The following FAM91A1 variants were observed in gnomAD, a reference collection of about 807,000 sequenced individuals.
FAM91A1 encodes family with sequence similarity 91 member A1.
Under a neutral mutation model 113.5 loss-of-function variants are expected in FAM91A1, and 41 were observed. The ratio of observed to expected loss-of-function variants is 0.36; its 90% confidence interval spans 0.28 to 0.47. The LOEUF (loss-of-function observed/expected upper bound fraction) is 0.47. FAM91A1 is among the 20% of genes least tolerant of loss of function. The pLI is 1.00. For synonymous variants in FAM91A1, 307 were observed against 347.9 expected (o/e 0.88, Z 1.31); for missense variants, 696 against 1,001.2 (o/e 0.70, Z 4.11).
Position 123,768,493 on chromosome 8 carries a change from T to C in FAM91A1, c.-210T>C, listed in dbSNP as rs1586362300. On this transcript the variant is annotated 5_prime_UTR_variant, in exon 1 of 24. Transcript: ENST00000334705. Reference sequence around the variant, plus strand: ...AAGAAACTTGGAGCTGTTCAGGCGATCCAGCCTCCAATCGCTGCTGCTCTT... The same window carrying C: ...AAGAAACTTGGAGCTGTTCAGGCGACCCAGCCTCCAATCGCTGCTGCTCTT... 4.1e-6 allele frequency: 2 copies of C among 489,300 alleles called. No individual in the cohort carries two copies. The highest frequency in any genetic ancestry group is 7.2e-6 in the Non-Finnish European group (2 of 278,510). The allele number at this position is 489,300 out of a possible 1,614,324, so 30.3% of individuals were successfully genotyped here. A position where few individuals can be genotyped will look rare whatever the true frequency, so the allele number is the denominator to read the frequency against.
At chr8:123,801,760 G>A (rs543428084) in intron 18 of FAM91A1, among the ~76,000 whole-genome samples, 4 of 151,894 alleles carry the variant, frequency 2.6e-5, no homozygotes, top group East Asian at 1.9e-4. Flanking sequence ...TAAAAGAAGC[G>A]AGGTAGTAGG....
chr8:123,812,224 C>A, intron 23 of FAM91A1: 2 of 203,688 alleles, frequency 9.8e-6, no homozygotes, highest in Non-Finnish European at 1.9e-5. Flanking sequence ...TTAGGTAATA[C>A]TTTGGGGTTA....
At chr8:123,808,791 G>A in intron 21 of FAM91A1, 102 bp from the exon 22 acceptor site, 1 of 1,157,336 alleles carries the variant, frequency 8.6e-7, no homozygotes, top group Non-Finnish European at 1.2e-6. Context: ...GGGGCAGGAG[G>A]AATCTATGAA....
chr8:123,804,885 G>C (rs1054029288), intron 18 of FAM91A1, among the ~76,000 whole-genome samples: 6 of 152,104 alleles, frequency 3.9e-5, no homozygotes. Context: ...TTTGAGTTTT[G>C]CATTCTTAGC....
chr8:123,787,148 A>T (rs1347870704), intron 12 of FAM91A1, 113 bp from the exon 13 acceptor site: 19 of 787,170 alleles, frequency 2.4e-5, no homozygotes, highest in African/African-American at 5.2e-5. Flanking sequence ...GTGCCTTTTT[A>T]AAATTATGTA....
At chr8:123,778,845 T>C (rs1815051285) in intron 6 of FAM91A1, 73 bp downstream of exon 6, 3 of 1,005,634 alleles carry the variant, frequency 3.0e-6, no homozygotes, top group African/African-American at 3.4e-5. Context: ...TTATAGCTTA[T>C]AATTTTTTAA....
At position 123,780,029 on chromosome 8, in the gene FAM91A1, T is replaced by C. The variant is rs767749698; in HGVS notation, c.594T>C (p.Asp198=). ...AATGCGCTGTTGATAAGATCATCGA[T>C]TCAGGCCCTCAACTCTCTGGATCAC... is the stretch of plus-strand genomic sequence containing the variant. The part of the protein sequence containing the change: ...PEKCAVDKII[D]SGPQLSGSLD... Residue 198 remains aspartate, a synonymous_variant, in exon 7 of 24, where the codon GAT becomes GAC. Transcript: ENST00000334705. 9 of 1,613,546 alleles carry C rather than the reference T, an allele frequency of 5.6e-6. No homozygotes were observed. The highest frequency in any genetic ancestry group is 4.4e-5 in the South Asian group (4 of 91,054).
At chr8:123,777,587 C>G (rs1396563387) in intron 4 of FAM91A1, among the ~76,000 whole-genome samples, 1 of 152,142 alleles carries the variant, frequency 6.6e-6, no homozygotes, top group Non-Finnish European at 1.5e-5. Flanking sequence ...GAAGTTCTTT[C>G]TGATACTTGG....
intron 18 of FAM91A1, 98 bp from the exon 19 acceptor site, chr8:123,805,169 G>T: frequency 1.1e-6 from 1 of 924,658 alleles, no homozygotes; most frequent in Non-Finnish European, 1.7e-6. Context: ...TATTAATATG[G>T]AATATACCAT....
chr8:123,805,543 G>C (rs1174561696), intron 19 of FAM91A1, among the ~76,000 whole-genome samples: 1 of 152,100 alleles, frequency 6.6e-6, no homozygotes, highest in African/African-American at 2.4e-5. Flanking sequence ...ACCCGTTTAG[G>C]ATTTTTGAAA....
At chr8:123,802,248 AGGACAT>A (rs1163443814) in intron 18 of FAM91A1, among the ~76,000 whole-genome samples, 1 of 152,230 alleles carries the variant, frequency 6.6e-6, no homozygotes, top group African/African-American at 2.4e-5. Context: ...GCCCGGATCA[AGGACAT>A]GGTAATAAGA....
At chr8:123,812,487 A>G in intron 23 of FAM91A1, 32 bp from the exon 24 acceptor site, 1 of 1,539,190 alleles carries the variant, frequency 6.5e-7, no homozygotes, top group Non-Finnish European at 8.7e-7. Context: ...TAAAGTGTTG[A>G]ATATCATTTC....
At position 123,788,200 on chromosome 8, in the gene FAM91A1, G is replaced by A. The variant is rs1019072615; in HGVS notation, c.1278+450G>A. On this transcript the variant is annotated intron_variant, in intron 14 of 23. Transcript: ENST00000334705. ...ATGTCCGCTCTCACTATCCCTTTTAGCATCTTGAAGACTTCAGCCATATTT... is the reference window on the plus strand; with the variant it reads ...ATGTCCGCTCTCACTATCCCTTTTAACATCTTGAAGACTTCAGCCATATTT... The A allele has an allele frequency of 1.1e-5, 11 of 985,072 alleles. No individual in the cohort carries two copies. The African/African-American group carries it at 1.6e-4, about 14-fold the overall frequency. The allele number at this position is 985,072 out of a possible 1,614,324, so 61.0% of individuals were successfully genotyped here.
intron 6 of FAM91A1, among the ~76,000 whole-genome samples, chr8:123,779,000 T>C (rs989114885): frequency 1.3e-5 from 2 of 152,196 alleles, no homozygotes; most frequent in Non-Finnish European, 2.9e-5. Flanking sequence ...TATCTGGGGA[T>C]GTTAATTAGA....
chr8:123,815,155 T>A lies in FAM91A1; in HGVS notation c.*2451T>A, dbSNP rs144834720. ...CATCTGATTTCCTTTGTTTCTTTTT[T>A]AAATTATGTAATCAGATGATTTTAT... On this transcript the variant is annotated 3_prime_UTR_variant, in exon 24 of 24. Coordinates refer to ENST00000334705, the MANE Select transcript of FAM91A1 (RefSeq NM_144963.4). The A allele has an allele frequency of 6.2e-4, 94 of 152,750 alleles. No individual in the cohort carries two copies. Among genetic ancestry groups the A allele is most frequent in the African/African-American group, 2.2e-3 (91 of 41,582 alleles). 9.5% of individuals were successfully genotyped at this position (152,750 alleles called of 1,614,324 possible). A position where few individuals can be genotyped will look rare whatever the true frequency, so the allele number is the denominator to read the frequency against.
intron 15 of FAM91A1, among the ~76,000 whole-genome samples, chr8:123,794,256 C>A (rs895171745): frequency 1.2e-4 from 19 of 152,174 alleles, no homozygotes; most frequent in African/African-American, 4.3e-4. Context: ...GCAGACAAAT[C>A]TCATAGCCTA....
rs916505354 is a variant in FAM91A1, at chr8:123,789,775, A to T, written c.1411+30A>T. 4 of 1,597,078 alleles carry T rather than the reference A, an allele frequency of 2.5e-6. No homozygotes were observed. In the African/African-American group the frequency reaches 5.4e-5, roughly 22 times the overall value. On this transcript the variant is annotated intron_variant, in intron 15 of 23. Transcript: ENST00000334705. Reference sequence around the variant, plus strand: ...GATAAATATATTTAATTTTGAAGACATGATCATATGAAACTTTTTTCTAAG... The same window carrying T: ...GATAAATATATTTAATTTTGAAGACTTGATCATATGAAACTTTTTTCTAAG...
chr8:123,807,507 CAAAA>C (rs1189227923), intron 20 of FAM91A1, among the ~76,000 whole-genome samples: 2 of 124,860 alleles, frequency 1.6e-5, no homozygotes, highest in Non-Finnish European at 3.4e-5. Context: ...AAAAAAGAAA[CAAAA>C]AAGACAATGT....
rs1178631874 is a variant in FAM91A1, at chr8:123,814,653, G to A, written c.*1949G>A. On this transcript the variant is annotated 3_prime_UTR_variant, in exon 24 of 24. Transcript: ENST00000334705. ...GGGGTCCCCTCTGGTTTCTTGTGTTGAATGAGGCAAGGGTAATCATCTGAT... is the reference window on the plus strand; with the variant it reads ...GGGGTCCCCTCTGGTTTCTTGTGTTAAATGAGGCAAGGGTAATCATCTGAT... 6.5e-6 allele frequency: 1 copy of A among 152,804 alleles called. No homozygotes were observed. The highest frequency in any genetic ancestry group is 1.5e-5 in the Non-Finnish European group (1 of 68,186). The allele number at this position is 152,804 out of a possible 1,614,324, so 9.5% of individuals were successfully genotyped here.
Sources: allele counts gnomAD v4.1 joint callset (sites outside exome capture counted in the v4.1 genomes callset), GRCh38; gene constraint gnomAD v4.1.1; transcripts MANE v1.5; gene names NCBI Gene and HGNC (gene_info 2026-07-23, HGNC 2026-07-21).